The following NRF1 variants were observed in gnomAD, a reference collection of about 807,000 sequenced individuals.
NRF1 encodes the protein alpha palindromic-binding protein.
A neutral mutation model predicts 58.5 loss-of-function variants in NRF1; 5 were observed. That is an observed-to-expected ratio of 0.09 (90% CI 0.04 to 0.18). NRF1 has a LOEUF of 0.18. Among genes scored for constraint, NRF1 ranks in the 10% least tolerant of loss-of-function variants. The pLI, the probability that NRF1 is intolerant of heterozygous loss-of-function variation, is 1.00. For synonymous variants in NRF1, 224 were observed against 246.7 expected (o/e 0.91, Z 0.86); for missense variants, 288 against 657.7 (o/e 0.44, Z 6.15).
chr7:129,709,970 T>C (rs1277625077), intron 6 of NRF1, among the ~76,000 whole-genome samples: 1 of 152,156 alleles, frequency 6.6e-6, no homozygotes, highest in Non-Finnish European at 1.5e-5. Context: ...CCTCAGGCCA[T>C]CCGCCCTCCT....
At chr7:129,754,916 T>A (rs750213971) in intron 10 of NRF1, 102 bp from the exon 11 acceptor site, 2 of 1,201,386 alleles carry the variant, frequency 1.7e-6, no homozygotes, top group Non-Finnish European at 2.3e-6. Context: ...CTGAGGCTGG[T>A]GACCACGATA....
intron 10 of NRF1, among the ~76,000 whole-genome samples, chr7:129,732,119 G>T (rs1803594101): frequency 6.6e-6 from 1 of 152,162 alleles, no homozygotes; most frequent in South Asian, 2.1e-4. Flanking sequence ...GCTCTTTGCT[G>T]AGTGCCTCTC....
chr7:129,754,485 T>TAAAAAAAAAAAAAAAAAAAA, intron 10 of NRF1, among the ~76,000 whole-genome samples: 1 of 34,684 alleles, frequency 2.9e-5, no homozygotes, highest in East Asian at 9.9e-4. Flanking sequence ...AAAAAAAAAG[T>TAAAAAAAAAAAAAAAAAAAA]TAAAATGGAA....
intron 1 of NRF1, among the ~76,000 whole-genome samples, chr7:129,651,289 G>A (rs144126472): frequency 2.5e-4 from 38 of 152,156 alleles, no homozygotes; most frequent in African/African-American, 8.2e-4. Flanking sequence ...GGGCTTGGTG[G>A]TGCACTTGTA....
At chr7:129,719,217 C>G (rs1318762290) in intron 9 of NRF1, among the ~76,000 whole-genome samples, 1 of 151,900 alleles carries the variant, frequency 6.6e-6, no homozygotes, top group African/African-American at 2.4e-5. Flanking sequence ...ACCACAACCT[C>G]CGCCTGCCGG....
intron 3 of NRF1, 25 bp from the exon 4 acceptor site, chr7:129,677,603 TTTTA>T (rs1450774106): frequency 6.2e-7 from 1 of 1,612,028 alleles, no homozygotes; most frequent in Non-Finnish European, 8.5e-7. Context: ...TTTTAAAACT[TTTTA>T]TTCTTGTTTC....
chr7:129,626,536 A>G (rs78270497), intron 1 of NRF1, among the ~76,000 whole-genome samples: 4,004 of 152,322 alleles, frequency 0.026, 62 homozygotes, highest in Middle Eastern at 0.075. Flanking sequence ...ACCCTCTAAC[A>G]TATTACATTG....
chr7:129,686,726 G>T (rs1802450982), intron 4 of NRF1, among the ~76,000 whole-genome samples: 1 of 152,216 alleles, frequency 6.6e-6, no homozygotes, highest in South Asian at 2.1e-4. Flanking sequence ...ATGAATTGAG[G>T]CAAGAGAATG....
chr7:129,709,319 TAGAA>T, intron 6 of NRF1, 86 bp downstream of exon 6: 1 of 1,204,132 alleles, frequency 8.3e-7, no homozygotes. Context: ...CATCTTGTGC[TAGAA>T]AGTCTTTGTG....
chr7:129,706,110 C>T (rs1584658933), intron 5 of NRF1, among the ~76,000 whole-genome samples: 1 of 152,258 alleles, frequency 6.6e-6, no homozygotes, highest in East Asian at 1.9e-4. Flanking sequence ...CTTAGCAGCT[C>T]TTAAGACAGT....
chr7:129,669,387 G>A (rs1029185314), intron 2 of NRF1, among the ~76,000 whole-genome samples: 2 of 152,176 alleles, frequency 1.3e-5, no homozygotes, highest in Non-Finnish European at 2.9e-5. Context: ...TATGCCTGCT[G>A]AAGTATTTAG....
intron 1 of NRF1, among the ~76,000 whole-genome samples, chr7:129,612,415 C>CG (rs1051417843): frequency 2.6e-5 from 4 of 152,154 alleles, no homozygotes; most frequent in Non-Finnish European, 5.9e-5. Flanking sequence ...GCCGGGGTGG[C>CG]GTGGGCTTGT....
In NRF1 at chr7:129,662,740, G is replaced by GTTTA. The variant is rs558542957; in HGVS notation, c.223+5190_223+5193dup. Among the ~76,000 whole-genome samples, 772 of 151,986 alleles carry GTTTA rather than the reference G, an allele frequency of 5.1e-3. 4 individuals carry two copies. In the East Asian group the frequency reaches 0.057, roughly 11 times the overall value. On this transcript the variant is annotated intron_variant, in intron 2 of 10. Transcript: ENST00000393232. ...CTGGATCATCTTAATCCAATTTAAGGTTTATTTATTTATTTATTTATTTAT... is the reference window on the plus strand; with the variant it reads ...CTGGATCATCTTAATCCAATTTAAGGTTTATTTATTTATTTATTTATTTATTTAT...
intron 2 of NRF1, among the ~76,000 whole-genome samples, chr7:129,667,946 G>T (rs1801959488): frequency 6.6e-6 from 1 of 151,802 alleles, no homozygotes; most frequent in African/African-American, 2.4e-5. Context: ...AAATTTTTTT[G>T]TAGATACGGA....
intron 8 of NRF1, among the ~76,000 whole-genome samples, chr7:129,715,919 C>T (rs534748486): frequency 4.6e-5 from 7 of 151,932 alleles, no homozygotes; most frequent in South Asian, 4.2e-4. Flanking sequence ...GCAGGAGAAT[C>T]GCTTGAACCT....
chr7:129,701,166 G>GA (rs981038693), intron 5 of NRF1, among the ~76,000 whole-genome samples: 1 of 151,902 alleles, frequency 6.6e-6, no homozygotes, highest in Non-Finnish European at 1.5e-5. Context: ...AAGATAATTA[G>GA]AAAAATAAGC....
At chr7:129,620,488 A>G (rs1005212250) in intron 1 of NRF1, among the ~76,000 whole-genome samples, 1 of 151,410 alleles carries the variant, frequency 6.6e-6, no homozygotes, top group African/African-American at 2.4e-5. Context: ...TCCCGGGTTC[A>G]AGCGATTCTT....
At chr7:129,663,169 A>G (rs533737527) in intron 2 of NRF1, among the ~76,000 whole-genome samples, 33 of 152,102 alleles carry the variant, frequency 2.2e-4, no homozygotes, top group Non-Finnish European at 4.4e-4. Flanking sequence ...ACACAGACAC[A>G]GTACAAATCT....
At chr7:129,752,140 T>C (rs1804132458) in intron 10 of NRF1, among the ~76,000 whole-genome samples, 1 of 152,212 alleles carries the variant, frequency 6.6e-6, no homozygotes. Flanking sequence ...GTTGCAGACA[T>C]GCATCAACTG....
Sources: gnomAD v4.1 joint callset for allele counts (sites outside exome capture counted in the v4.1 genomes callset) on GRCh38, gnomAD v4.1.1 for gene constraint, MANE v1.5 for transcripts, NCBI Gene and HGNC (gene_info 2026-07-23, HGNC 2026-07-21) for gene names.